Variants in NIBAN2 observed in about 807,000 individuals in gnomAD.
NIBAN2 encodes the protein protein Niban 2.
NIBAN2 carries 36 observed loss-of-function variants against 81.8 expected under a neutral mutation model. The observed-to-expected ratio is 0.44, with a 90% CI of 0.34 to 0.58. The LOEUF (loss-of-function observed/expected upper bound fraction) is 0.58, where lower values mean the gene tolerates loss of function less well. Among genes scored for constraint, NIBAN2 ranks in the 20% least tolerant of loss-of-function variants. The pLI is 0.02. For missense variants in NIBAN2, 897 were observed against 1,014.1 expected (o/e 0.88, Z 1.57); for synonymous variants, 445 against 441.6 (o/e 1.01, Z -0.10).
At chr9:127,537,889 C>G (rs139674929) in intron 1 of NIBAN2, among the ~76,000 whole-genome samples, 214 of 152,324 alleles carry the variant, frequency 1.4e-3, no homozygotes, top group African/African-American at 4.4e-3. Flanking sequence ...GTTGGGGTCC[C>G]GGTTCCCTTC....
chr9:127,576,136 C>T (rs1031014717), intron 1 of NIBAN2, among the ~76,000 whole-genome samples: 3 of 152,162 alleles, frequency 2.0e-5, no homozygotes, highest in Non-Finnish European at 2.9e-5. Flanking sequence ...TGAGGGAGCA[C>T]GTATGATGTG....
chr9:127,554,929 T>A (rs1427990744), intron 1 of NIBAN2, among the ~76,000 whole-genome samples: 2 of 151,708 alleles, frequency 1.3e-5, no homozygotes, highest in East Asian at 1.9e-4. Context: ...ATCCACTCAC[T>A]GTAAAAAAAC....
rs371821621 is a variant in NIBAN2, at chr9:127,531,653, G to A, written c.181C>T (p.Arg61Cys). ...TGLPQAQLLW[R>C]KVPLDERIVF... ...GCCCTCCCAGCACCTCTCACCTTGC[G>A]CCAGAGCAGCTGGGCCTGCGGCAGC... Residue 61 changes from arginine to cysteine, a missense_variant, in exon 2 of 14, where the codon CGC (arginine) becomes TGC (cysteine). Around this residue, in one of 3 missense-constraint regions of NIBAN2, gnomAD observed 209 missense variants for 208.4 expected, o/e 1.00. Coordinates refer to ENST00000373312, the MANE Select transcript of NIBAN2 (RefSeq NM_022833.4). The A allele has an allele frequency of 3.7e-6, 6 of 1,612,992 alleles. No homozygotes were observed. The highest frequency in any genetic ancestry group is 1.1e-5 in the South Asian group (1 of 91,074).
chr9:127,523,502 A>T (rs1215921805), intron 5 of NIBAN2, among the ~76,000 whole-genome samples, 177 bp downstream of exon 5: 1 of 151,928 alleles, frequency 6.6e-6, no homozygotes, highest in Non-Finnish European at 1.5e-5. Flanking sequence ...AACTGTTTTC[A>T]TCAAGAAAGA....
At chr9:127,555,726 A>C (rs1022091699) in intron 1 of NIBAN2, among the ~76,000 whole-genome samples, 3 of 152,162 alleles carry the variant, frequency 2.0e-5, no homozygotes, top group African/African-American at 7.2e-5. Context: ...AGGAGAGCAA[A>C]CCACAGGCAC....
chr9:127,527,406 C>T, intron 2 of NIBAN2, 84 bp from the exon 3 acceptor site: 1 of 1,318,284 alleles, frequency 7.6e-7, no homozygotes, highest in Non-Finnish European at 1.1e-6. Flanking sequence ...GCCAGCAGAG[C>T]CTGTGTGCGC....
rs149928660 is a variant in NIBAN2 at position 127,516,402 on chromosome 9, G to A, written c.973+455C>T. Among the ~76,000 whole-genome samples the A allele has an allele frequency of 2.6e-3, 402 of 152,122 alleles. 3 individuals are homozygous for A. Among genetic ancestry groups the A allele is most frequent in the Non-Finnish European group, 4.9e-3 (334 of 67,994 alleles). On this transcript the variant is annotated intron_variant, in intron 8 of 13. Transcript: ENST00000373312. ...ACTACTAAATACACAAAAGTTAGCC[G>A]GGCATGGTGGCGCGCGTGTGCCTGT...
Position 127,517,252 on chromosome 9 carries a change from G to C in NIBAN2, c.706-36C>G. ...GAGGCACAAGCCAGGCCAGGGGCTGGAGAGCGCTCAGCTGGCCTGTTTCTC... is the reference window on the plus strand; with the variant it reads ...GAGGCACAAGCCAGGCCAGGGGCTGCAGAGCGCTCAGCTGGCCTGTTTCTC... On this transcript the variant is annotated intron_variant, in intron 6 of 13. Coordinates refer to ENST00000373312, the MANE Select transcript of NIBAN2 (RefSeq NM_022833.4). This position sits in a 1 kb window ranked among gnomAD's most constrained non-coding sequence, Gnocchi z 4.0. The C allele has an allele frequency of 6.3e-7, 1 of 1,583,056 alleles. No individual in the cohort carries two copies. Among genetic ancestry groups the C allele is most frequent in the South Asian group, 1.1e-5 (1 of 89,892 alleles).
At position 127,568,813 on chromosome 9, in the gene NIBAN2, C is replaced by G. The variant is rs758535943; in HGVS notation, c.55+7G>C. ...CCTGGGCGCGCGTGGCGCGGCGCGA[C>G]CCTCACCTGCGATGTGCTGGCGCCG... On this transcript the variant is annotated splice_region_variant and intron_variant, in intron 1 of 13. Transcript: ENST00000373312. 1.2e-5 allele frequency: 16 copies of G among 1,347,436 alleles called. 1 individual carries two copies. In the South Asian group the frequency reaches 2.7e-4, roughly 23 times the overall value. The allele number at this position is 1,347,436 out of a possible 1,614,324, so 83.5% of individuals were successfully genotyped here.
At chr9:127,520,849 A>T (rs1588158707) in intron 5 of NIBAN2, among the ~76,000 whole-genome samples, 2 of 152,198 alleles carry the variant, frequency 1.3e-5, no homozygotes, top group Middle Eastern at 3.4e-3. Flanking sequence ...GCGCCACTGC[A>T]CTCCAGCCTG....
chr9:127,512,040 G>T (rs569811262), intron 8 of NIBAN2, among the ~76,000 whole-genome samples: 1 of 152,310 alleles, frequency 6.6e-6, no homozygotes, highest in African/African-American at 2.4e-5. Flanking sequence ...CGAAGCTAAA[G>T]GGAAAAGTCA....
At chr9:127,566,034 A>G (rs151283253) in intron 1 of NIBAN2, among the ~76,000 whole-genome samples, 1 of 151,088 alleles carries the variant, frequency 6.6e-6, no homozygotes, top group African/African-American at 2.4e-5. Context: ...TGGGAGGCTG[A>G]GGTGGGAGGA....
intron 8 of NIBAN2, among the ~76,000 whole-genome samples, chr9:127,511,300 G>A (rs370143373): frequency 6.6e-6 from 1 of 151,940 alleles, no homozygotes; most frequent in Non-Finnish European, 1.5e-5. Context: ...CGCCCACCTC[G>A]GCCTCCCAAA....
At chr9:127,577,877 GGC>G (rs1838027736) in intron 1 of NIBAN2, among the ~76,000 whole-genome samples, 1 of 151,874 alleles carries the variant, frequency 6.6e-6, no homozygotes, top group Non-Finnish European at 1.5e-5. Context: ...CACTACACCT[GGC>G]TTTAATTTTT....
intron 2 of NIBAN2, among the ~76,000 whole-genome samples, chr9:127,528,141 G>A (rs887312614): frequency 3.9e-5 from 6 of 152,164 alleles, no homozygotes; most frequent in African/African-American, 4.8e-5. Context: ...TGACCACTAC[G>A]GTAGGACTCA....
chr9:127,547,714 G>A (rs371471863), intron 1 of NIBAN2, among the ~76,000 whole-genome samples: 97 of 145,206 alleles, frequency 6.7e-4, no homozygotes, highest in South Asian at 5.3e-3. Context: ...GCGCATGCCT[G>A]TAATCCTAGC....
intron 1 of NIBAN2, chr9:127,578,896 C>G: frequency 6.2e-7 from 1 of 1,608,020 alleles, no homozygotes. Flanking sequence ...TGCCTTGTGT[C>G]CTGGGGACTT....
chr9:127,529,334 C>T (rs1298335139), intron 2 of NIBAN2, among the ~76,000 whole-genome samples: 1 of 152,200 alleles, frequency 6.6e-6, no homozygotes, highest in Admixed American at 6.5e-5. Flanking sequence ...CAAACAGTAC[C>T]GGCATAAGAT....
At chr9:127,574,391 T>C (rs1438916820) in intron 1 of NIBAN2, among the ~76,000 whole-genome samples, 1 of 151,872 alleles carries the variant, frequency 6.6e-6, no homozygotes, top group Admixed American at 6.6e-5. Flanking sequence ...TCCTCAAGCA[T>C]ATTTGGAAGC....
Sources: allele counts gnomAD v4.1 joint callset (sites outside exome capture counted in the v4.1 genomes callset), GRCh38; gene constraint gnomAD v4.1.1; regional missense constraint gnomAD v4.1.1; non-coding constraint Gnocchi (gnomAD v3.1); transcripts MANE v1.5; gene names NCBI Gene and HGNC (gene_info 2026-07-23, HGNC 2026-07-21).